Variants in PCDHA1 observed in about 807,000 individuals in gnomAD.
PCDHA1 encodes protocadherin alpha-1.
Under a neutral mutation model 61.3 loss-of-function variants are expected in PCDHA1, and 42 were observed. The observed-to-expected ratio is 0.69, with a 90% confidence interval of 0.54 to 0.89. PCDHA1 has a LOEUF of 0.89. PCDHA1 is among the 40% of genes least tolerant of loss of function. The probability of loss-of-function intolerance (pLI) is 0.00; values close to 1 mark genes in which losing one functional copy is unlikely to be tolerated. For missense variants in PCDHA1, 1,256 were observed against 1,235.3 expected (o/e 1.02, Z -0.25); for synonymous variants, 610 against 553.8 (o/e 1.10, Z -1.43).
intron 1 of PCDHA1, among the ~76,000 whole-genome samples, chr5:140,890,937 A>G (rs2153432428): frequency 6.6e-6 from 1 of 152,254 alleles, no homozygotes; most frequent in South Asian, 2.1e-4. Flanking sequence ...TAGTCCAAAG[A>G]TGCTGGTGAG....
intron 1 of PCDHA1, among the ~76,000 whole-genome samples, chr5:140,958,893 A>G (rs1332305633): frequency 2.6e-5 from 4 of 152,002 alleles, no homozygotes; most frequent in African/African-American, 9.7e-5. Flanking sequence ...TAGCTATATA[A>G]TAGATACAGA....
intron 1 of PCDHA1, chr5:140,823,394 G>C: frequency 6.2e-7 from 1 of 1,612,934 alleles, no homozygotes; most frequent in Non-Finnish European, 8.5e-7. Flanking sequence ...CGCGACGCGG[G>C]CGTGCCGCCT....
intron 1 of PCDHA1, chr5:140,828,671 C>T (rs150883390): frequency 1.2e-6 from 2 of 1,614,058 alleles, no homozygotes; most frequent in Non-Finnish European, 8.5e-7. Flanking sequence ...ACAAATTGGG[C>T]TCTTATTAAA....
At chr5:140,834,256 T>A in intron 1 of PCDHA1, 1 of 945,884 alleles carries the variant, frequency 1.1e-6, no homozygotes, top group South Asian at 1.7e-5. Flanking sequence ...GGAAAGACGC[T>A]CCACTCTCTT....
intron 1 of PCDHA1, among the ~76,000 whole-genome samples, chr5:140,941,185 C>CTT (rs782102770): frequency 2.0e-5 from 2 of 102,242 alleles, no homozygotes; most frequent in East Asian, 7.3e-4. Context: ...CATCCTGCTT[C>CTT]TTTTTTTTTC....
At chr5:141,006,073 T>G (rs2098254106) in intron 3 of PCDHA1, among the ~76,000 whole-genome samples, 1 of 151,712 alleles carries the variant, frequency 6.6e-6, no homozygotes, top group Non-Finnish European at 1.5e-5. Context: ...AAAAATCAGA[T>G]TATTGAAGGG....
intron 3 of PCDHA1, among the ~76,000 whole-genome samples, chr5:140,996,055 C>A (rs1289526573): frequency 6.6e-6 from 1 of 152,164 alleles, no homozygotes; most frequent in Non-Finnish European, 1.5e-5. Flanking sequence ...GTGCTTGGCA[C>A]ACAGTAAAGA....
At chr5:140,821,709 G>C in intron 1 of PCDHA1, 1 of 1,452,026 alleles carries the variant, frequency 6.9e-7, no homozygotes, top group Non-Finnish European at 9.3e-7. Flanking sequence ...AGTTAATTGG[G>C]AATTGAATTT....
At chr5:140,842,230 G>A in intron 1 of PCDHA1, 1 of 1,612,910 alleles carries the variant, frequency 6.2e-7, no homozygotes, top group Non-Finnish European at 8.5e-7. Context: ...GAGAAATAGT[G>A]ATTCGGGGTA....
chr5:140,830,347 G>T (rs1771011399), intron 1 of PCDHA1: 1 of 1,613,982 alleles, frequency 6.2e-7, no homozygotes, highest in African/African-American at 1.3e-5. Context: ...CGTACTCGCA[G>T]CAGAGGCGGC....
rs1319882145 is a variant in PCDHA1, at chr5:140,858,933, A to G, written c.2394+70249A>G. ...GCTTATACTGCCATAGTAGATTTCA[A>G]TGTTCAGTGATTACAGCTTTTTCTC... is the stretch of plus-strand genomic sequence containing the variant. On this transcript the variant is annotated intron_variant, in intron 1 of 3. Transcript: ENST00000504120. The G allele has an allele frequency of 6.2e-5, 10 of 160,710 alleles. 1 individual carries two copies. The highest frequency in any genetic ancestry group is 2.4e-4 in the African/African-American group (10 of 41,146). The allele number at this position is 160,710 out of a possible 1,614,324, so 10.0% of individuals were successfully genotyped here. A position where few individuals can be genotyped will look rare whatever the true frequency, so the allele number is the denominator to read the frequency against.
intron 1 of PCDHA1, among the ~76,000 whole-genome samples, chr5:140,939,305 C>A (rs1251046319): frequency 6.6e-6 from 1 of 152,114 alleles, no homozygotes; most frequent in Non-Finnish European, 1.5e-5. Context: ...TCTACAAAAG[C>A]CCTACCTCCT....
intron 1 of PCDHA1, chr5:140,828,532 G>T: frequency 6.2e-7 from 1 of 1,614,280 alleles, no homozygotes; most frequent in Non-Finnish European, 8.5e-7. Context: ...AATCTAGGCT[G>T]CCAGATTCTG....
chr5:140,884,488 G>T, intron 1 of PCDHA1: 1 of 1,614,046 alleles, frequency 6.2e-7, no homozygotes, highest in East Asian at 2.2e-5. Context: ...CCACTCTAGT[G>T]TGCTCCAGCG....
intron 1 of PCDHA1, among the ~76,000 whole-genome samples, chr5:140,961,952 C>T (rs2095645754): frequency 6.6e-6 from 1 of 151,264 alleles, no homozygotes; most frequent in South Asian, 2.1e-4. Flanking sequence ...GGCATGATCT[C>T]GGCTCACTGC....
chr5:140,834,549 C>T (rs2150220771), intron 1 of PCDHA1: 1 of 1,614,074 alleles, frequency 6.2e-7, no homozygotes, highest in Non-Finnish European at 8.5e-7. Flanking sequence ...GGGGCTGGAG[C>T]TGGCGGAGCT....
chr5:140,932,199 A>C (rs1314795858), intron 1 of PCDHA1, among the ~76,000 whole-genome samples: 2 of 151,894 alleles, frequency 1.3e-5, no homozygotes, highest in African/African-American at 4.8e-5. Context: ...TTTTTCTGTT[A>C]ATATTCTTGA....
intron 1 of PCDHA1, chr5:140,834,259 A>T: frequency 4.2e-6 from 4 of 957,528 alleles, no homozygotes; most frequent in Non-Finnish European, 6.3e-6. Context: ...AAGACGCTCC[A>T]CTCTCTTTCA....
At chr5:140,800,548 T>C (rs1762569881) in intron 1 of PCDHA1, among the ~76,000 whole-genome samples, 1 of 152,210 alleles carries the variant, frequency 6.6e-6, no homozygotes, top group African/African-American at 2.4e-5. Context: ...GGATCTGATT[T>C]TTCTATAAAA....
Sources: allele counts gnomAD v4.1 joint callset (sites outside exome capture counted in the v4.1 genomes callset), GRCh38; gene constraint gnomAD v4.1.1; transcripts MANE v1.5; gene names NCBI Gene and HGNC (gene_info 2026-07-23, HGNC 2026-07-21).